The following ATM variants were observed in gnomAD, a reference collection of about 807,000 sequenced individuals.
The protein encoded by ATM is ATM serine/threonine kinase.
A neutral mutation model predicts 387.0 loss-of-function variants in ATM; 308 were observed. That is an observed-to-expected ratio of 0.80 (90% confidence interval 0.73 to 0.87). The LOEUF (loss-of-function observed/expected upper bound fraction) is 0.87. ATM is among the 40% of genes least tolerant of loss of function. ATM has a pLI of 0.00. For synonymous variants in ATM, 1,156 were observed against 1,187.3 expected, an observed-to-expected ratio of 0.97 and a Z score of 0.54; for missense variants, 3,312 against 3,560.9, an observed-to-expected ratio of 0.93 and a Z score of 1.78.
chr11:108,311,262 G>A (rs185905723), intron 39 of ATM, among the ~76,000 whole-genome samples: 24 of 152,188 alleles, frequency 1.6e-4, no homozygotes, highest in Admixed American at 7.9e-4. Context: ...AGCATGAGCC[G>A]CTGCACCTGG....
chr11:108,299,674 C>T (rs749825212), intron 33 of ATM, 40 bp from the exon 34 acceptor site: 7 of 1,595,934 alleles, frequency 4.4e-6, no homozygotes, highest in Non-Finnish European at 6.0e-6. Flanking sequence ...TGTATGATCT[C>T]TTACCTATGA....
chr11:108,307,925 G>T lies in ATM; in HGVS notation c.5703G>T (p.Leu1901Phe), dbSNP rs756979112. 6.2e-7 allele frequency: 1 copy of T among 1,613,676 alleles called. No individual in the cohort carries two copies. Among genetic ancestry groups the T allele is most frequent in the South Asian group, 1.1e-5 (1 of 91,088 alleles). ...SESEHFFRCC[L>F]DKKSQRTMLA... ...CAGAGCACTTTTTCCGATGCTGTTT[G>T]GATAAAAAATCACAAAGAACAATGC... The change falls in exon 38 of 63, where the codon TTG becomes TTT. Residue 1901 changes from leucine to phenylalanine, a missense_variant. Physicochemically the swap from Leu to Phe is conservative, Grantham distance 22. This residue lies in a region of ATM where 1,405 missense variants were observed against 1,604.4 expected (regional missense o/e 0.88). Transcript: ENST00000675843.
At position 108,289,736 on chromosome 11, in the gene ATM, A is replaced by C. The variant is rs765713557; in HGVS notation, c.4371A>C (p.Leu1457Phe). ...TACTGAAAGATATAAAAAGTGGCTT[A>C]GGAGGAGCTTGGGCCTTTGTTCTTC... ...SLLLKDIKSGLGGAWAFVLRD... is the reference protein window; with the variant it reads ...SLLLKDIKSGFGGAWAFVLRD... The change falls in exon 29 of 63, where the codon TTA becomes TTC. Residue 1457 changes from leucine (L) to phenylalanine (F), a missense_variant. By Grantham distance (22) the Leu-to-Phe change is conservative. This residue lies in a region of ATM where 1,791 missense variants were observed against 1,804.5 expected (regional missense o/e 0.99). Coordinates refer to ENST00000675843, the MANE Select transcript of ATM (RefSeq NM_000051.4). The C allele has an allele frequency of 6.2e-7, 1 of 1,613,694 alleles. No homozygotes were observed. The highest frequency in any genetic ancestry group is 1.3e-5 in the African/African-American group (1 of 74,942).
At chr11:108,348,696 A>G (rs2088801684) in intron 59 of ATM, among the ~76,000 whole-genome samples, 1 of 152,202 alleles carries the variant, frequency 6.6e-6, no homozygotes, top group African/African-American at 2.4e-5. Flanking sequence ...GAAATAAGTT[A>G]TCACAGGTTT....
In ATM at chr11:108,365,363, T is replaced by C. The variant is rs1565608934; in HGVS notation, c.9026T>C (p.Val3009Ala). 6.2e-7 allele frequency: 1 copy of C among 1,614,056 alleles called. No individual in the cohort carries two copies. The highest frequency in any genetic ancestry group is 1.1e-5 in the South Asian group (1 of 91,092). The change falls in exon 63 of 63, where the codon GTC becomes GCC. Residue 3009 changes from valine to alanine, a missense_variant. Transcript: ENST00000675843. ...AGTTTCAACAAAGTAGCTGAACGTGTCTTAATGAGACTACAAGAGAAACTG... is the reference window on the plus strand; with the variant it reads ...AGTTTCAACAAAGTAGCTGAACGTGCCTTAATGAGACTACAAGAGAAACTG... ...DQSFNKVAER[V>A]LMRLQEKLKG...
chr11:108,330,525 G>C lies in ATM; in HGVS notation c.7515+104G>C, dbSNP rs1041427945. 6.1e-6 allele frequency: 7 copies of C among 1,148,604 alleles called. No homozygotes were observed. The African/African-American group carries it at 9.1e-5, about 15-fold the overall frequency. The allele number at this position is 1,148,604 out of a possible 1,614,324, so 71.2% of individuals were successfully genotyped here. ...ATACCTCTTTGTATTCCTAGCACTT[G>C]GTCCAGTGCTCTACACATAAGTAGC... is the stretch of plus-strand genomic sequence containing the variant. On this transcript the variant is annotated intron_variant, in intron 50 of 62. Coordinates refer to ENST00000675843, the MANE Select transcript of ATM (RefSeq NM_000051.4).
At chr11:108,299,239 CTG>C (rs2083283809) in intron 33 of ATM, among the ~76,000 whole-genome samples, 1 of 151,722 alleles carries the variant, frequency 6.6e-6, no homozygotes, top group Non-Finnish European at 1.5e-5. Flanking sequence ...TTTCATTGAA[CTG>C]TGTGTTTAAG....
At chr11:108,294,534 G>A (rs2083011024) in intron 31 of ATM, among the ~76,000 whole-genome samples, 1 of 152,192 alleles carries the variant, frequency 6.6e-6, no homozygotes, top group Non-Finnish European at 1.5e-5. Context: ...GAGGTCAGGA[G>A]TTCGAGACCA....
At chr11:108,342,145 T>C (rs1292216636) in intron 56 of ATM, among the ~76,000 whole-genome samples, 1 of 152,166 alleles carries the variant, frequency 6.6e-6, no homozygotes, top group Non-Finnish European at 1.5e-5. Flanking sequence ...GTGTATTTTA[T>C]GTGTGGCCCA....
At chr11:108,283,874 A>C (rs145265003) in intron 25 of ATM, among the ~76,000 whole-genome samples, 8 of 152,286 alleles carry the variant, frequency 5.3e-5, no homozygotes, top group African/African-American at 1.7e-4. Context: ...TCAAGGGTCA[A>C]CTGCATTTAT....
chr11:108,259,159 G>A, intron 16 of ATM, 84 bp downstream of exon 16: 2 of 1,116,568 alleles, frequency 1.8e-6, no homozygotes, highest in South Asian at 2.6e-5. Context: ...AAATAAGGAT[G>A]CATCTCACAA....
chr11:108,229,377 A>AGT lies in ATM; in HGVS notation c.331+55_331+56dup. 1.8e-6 allele frequency: 2 copies of AGT among 1,092,326 alleles called. 1 individual carries two copies. Among genetic ancestry groups the AGT allele is most frequent in the Non-Finnish European group, 2.6e-6 (2 of 780,884 alleles). The allele number at this position is 1,092,326 out of a possible 1,614,324, so 67.7% of individuals were successfully genotyped here. A position where few individuals can be genotyped will look rare whatever the true frequency, so the allele number is the denominator to read the frequency against. On this transcript the variant is annotated intron_variant, in intron 4 of 62. Transcript: ENST00000675843. ...TGGCTTAACAGATTACTGTCGCGTG[A>AGT]GTTTTTTTTTTTTTTCAGATCATTT...
chr11:108,350,696 T>G (rs2089082491), intron 59 of ATM, among the ~76,000 whole-genome samples: 1 of 152,188 alleles, frequency 6.6e-6, no homozygotes, highest in Non-Finnish European at 1.5e-5. Flanking sequence ...AAGGGATTTG[T>G]TAGAGCTAGA....
chr11:108,292,596 G>GTT (rs730881290), intron 29 of ATM, 23 bp from the exon 30 acceptor site: 1 of 1,567,976 alleles, frequency 6.4e-7, no homozygotes, highest in Non-Finnish European at 8.7e-7. Context: ...GGTTGTTGTT[G>GTT]TTTTTTTTTC....
chr11:108,256,132 A>G, intron 13 of ATM, 83 bp from the exon 14 acceptor site: 2 of 1,285,162 alleles, frequency 1.6e-6, no homozygotes, highest in Non-Finnish European at 2.1e-6. Flanking sequence ...TTTAATATGT[A>G]TGTAGAATTT....
intron 4 of ATM, among the ~76,000 whole-genome samples, chr11:108,233,007 C>T (rs1178083515): frequency 6.6e-6 from 1 of 152,126 alleles, no homozygotes; most frequent in African/African-American, 2.4e-5. Flanking sequence ...GGATTACAGG[C>T]ATGCCCCACC....
At position 108,357,580 on chromosome 11, in the gene ATM, G is replaced by T. The variant is rs1045964811; in HGVS notation, c.8850+2706G>T. ...TTTGAAGAGAGTAGTGGTTCTCCCAGCACGCAGCTGGAGATCGGACAACAG... is the reference window on the plus strand; with the variant it reads ...TTTGAAGAGAGTAGTGGTTCTCCCATCACGCAGCTGGAGATCGGACAACAG... On this transcript the variant is annotated intron_variant, in intron 61 of 62. Transcript: ENST00000675843. Among the ~76,000 whole-genome samples, 3 of 152,296 alleles carry T rather than the reference G, an allele frequency of 2.0e-5. No homozygotes were observed. The East Asian group carries it at 5.8e-4, about 29-fold the overall frequency.
At chr11:108,340,923 ATTG>A (rs1488284274) in intron 56 of ATM, among the ~76,000 whole-genome samples, 7 of 151,926 alleles carry the variant, frequency 4.6e-5, no homozygotes, top group Non-Finnish European at 1.0e-4. Context: ...TTTTTATTGT[ATTG>A]TTTTTATTGA....
chr11:108,256,394 C>T (rs1272928700), intron 14 of ATM, 54 bp downstream of exon 14: 2 of 1,551,486 alleles, frequency 1.3e-6, no homozygotes, highest in Non-Finnish European at 1.8e-6. Context: ...AAATGTATTC[C>T]TGTGAAAATT....
Sources: allele counts gnomAD v4.1 joint callset (sites outside exome capture counted in the v4.1 genomes callset), GRCh38; gene constraint gnomAD v4.1.1; regional missense constraint gnomAD v4.1.1; transcripts MANE v1.5; gene names NCBI Gene and HGNC (gene_info 2026-07-23, HGNC 2026-07-21).